Variants in ADAMTSL1 observed in about 807,000 individuals in gnomAD.
ADAMTSL1 encodes ADAMTS-like protein 1.
Under a neutral mutation model 201.8 loss-of-function variants are expected in ADAMTSL1, and 126 were observed. That is an observed-to-expected ratio of 0.62 (90% CI 0.54 to 0.72). ADAMTSL1 has a LOEUF of 0.72. Ranked by LOEUF, ADAMTSL1 falls within the 30% of genes least tolerant of loss-of-function variation. The probability of loss-of-function intolerance (pLI) is 0.00; values close to 1 mark genes in which losing one functional copy is unlikely to be tolerated. For synonymous variants in ADAMTSL1, 1,121 were observed against 903.4 expected (o/e 1.24, Z -4.32); for missense variants, 2,679 against 2,277.8 (o/e 1.18, Z -3.59).
At chr9:18,743,119 T>A (rs1818937444) in intron 15 of ADAMTSL1, among the ~76,000 whole-genome samples, 1 of 152,138 alleles carries the variant, frequency 6.6e-6, no homozygotes, top group Non-Finnish European at 1.5e-5. Context: ...GTGCTATCAC[T>A]CAGAAGACAG....
At chr9:18,700,869 A>T (rs148245869) in intron 13 of ADAMTSL1, among the ~76,000 whole-genome samples, 3 of 152,334 alleles carry the variant, frequency 2.0e-5, no homozygotes, top group East Asian at 3.9e-4. Flanking sequence ...TAAAATGAAC[A>T]TCTGACAAAG....
At chr9:17,956,394 C>T (rs556230750) in intron 1 of ADAMTSL1, among the ~76,000 whole-genome samples, 6 of 152,094 alleles carry the variant, frequency 3.9e-5, no homozygotes, top group Admixed American at 2.0e-4. Flanking sequence ...GTAAGAAAGT[C>T]GGCAATATTG....
chr9:17,907,921 C>T (rs1360229014), intron 1 of ADAMTSL1, among the ~76,000 whole-genome samples: 2 of 152,168 alleles, frequency 1.3e-5, no homozygotes, highest in Non-Finnish European at 2.9e-5. Flanking sequence ...ATACTCTTGG[C>T]CGGAATTACC....
At chr9:18,108,419 T>G (rs1824857246) in intron 1 of ADAMTSL1, among the ~76,000 whole-genome samples, 1 of 152,022 alleles carries the variant, frequency 6.6e-6, no homozygotes, top group African/African-American at 2.4e-5. Context: ...AGGCTGGTCT[T>G]GAACTCCTGA....
intron 3 of ADAMTSL1, among the ~76,000 whole-genome samples, chr9:18,548,897 C>T (rs371426996): frequency 1.2e-4 from 18 of 151,822 alleles, no homozygotes; most frequent in African/African-American, 3.9e-4. Flanking sequence ...AAATTCCAAA[C>T]AAGATGCAGA....
At position 18,681,842 on chromosome 9, in the gene ADAMTSL1, T is replaced by C. The variant is rs776273685; in HGVS notation, c.1372T>C (p.Tyr458His). The change falls in exon 12 of 29, where the codon TAC (tyrosine) becomes CAC (histidine). Residue 458 changes from tyrosine to histidine, a missense_variant. Physicochemically the swap from Tyr to His is moderately conservative, Grantham distance 83 (BLOSUM62 2). Transcript: ENST00000380548. ...AGTGACATGTGGCCAGGGCCTCAGA[T>C]ACCGTGTGGTCCTCTGCATCGACCA... ...CTVTCGQGLR[Y>H]RVVLCIDHRG... 145 of 1,613,552 alleles carry C rather than the reference T, an allele frequency of 9.0e-5. No individual in the cohort carries two copies. The highest frequency in any genetic ancestry group is 8.2e-4 in the Middle Eastern group (5 of 6,084).
chr9:18,776,031 G>A (rs1820965479), intron 18 of ADAMTSL1, 135 bp downstream of exon 18: 1 of 1,209,580 alleles, frequency 8.3e-7, no homozygotes, highest in African/African-American at 1.5e-5. Flanking sequence ...GAGGGCTGCA[G>A]GCAGGAGAGC....
chr9:18,186,486 A>C (rs1828739989), intron 2 of ADAMTSL1, among the ~76,000 whole-genome samples: 1 of 152,132 alleles, frequency 6.6e-6, no homozygotes, highest in South Asian at 2.1e-4. Context: ...CATCCTAGTC[A>C]TGTCACCTGC....
intron 2 of ADAMTSL1, among the ~76,000 whole-genome samples, chr9:18,531,252 C>T (rs1288762048): frequency 6.6e-6 from 1 of 152,176 alleles, no homozygotes; most frequent in Non-Finnish European, 1.5e-5. Context: ...CATGAAAATC[C>T]AGATCACTCT....
chr9:18,082,923 C>T (rs890986028), intron 1 of ADAMTSL1, among the ~76,000 whole-genome samples: 1 of 152,126 alleles, frequency 6.6e-6, no homozygotes, highest in African/African-American at 2.4e-5. Context: ...GAAGTCAAAA[C>T]GATTGTAACA....
chr9:18,131,082 T>G (rs1825932015), intron 1 of ADAMTSL1, among the ~76,000 whole-genome samples: 1 of 152,176 alleles, frequency 6.6e-6, no homozygotes, highest in Admixed American at 6.5e-5. Context: ...GCTCAATCTC[T>G]GCCATCCTCG....
At chr9:17,948,570 T>C (rs545323555) in intron 1 of ADAMTSL1, among the ~76,000 whole-genome samples, 2 of 152,312 alleles carry the variant, frequency 1.3e-5, no homozygotes, top group African/African-American at 4.8e-5. Flanking sequence ...GATAGAAAAG[T>C]ATCTAGGAAA....
chr9:17,946,849 T>C (rs1403866588), intron 1 of ADAMTSL1, among the ~76,000 whole-genome samples: 1 of 152,194 alleles, frequency 6.6e-6, no homozygotes, highest in Non-Finnish European at 1.5e-5. Context: ...TTAAGTGTTT[T>C]GGCATTTTAT....
intron 4 of ADAMTSL1, among the ~76,000 whole-genome samples, chr9:18,618,305 G>C (rs769345711): frequency 6.6e-6 from 1 of 152,090 alleles, no homozygotes; most frequent in African/African-American, 2.4e-5. Flanking sequence ...GCAGTCTAAG[G>C]TCGCCTATCT....
intron 2 of ADAMTSL1, among the ~76,000 whole-genome samples, chr9:18,281,490 T>C (rs1015750960): frequency 6.6e-6 from 1 of 152,190 alleles, no homozygotes; most frequent in African/African-American, 2.4e-5. Flanking sequence ...TCTAGGACTC[T>C]AGCTCTTTTT....
rs987328521 is a variant in ADAMTSL1, at chr9:18,283,709, G to A, written c.207+119728G>A. On this transcript the variant is annotated intron_variant, in intron 2 of 29. Transcript: ENST00000680146. Reference sequence around the variant, plus strand: ...AGGCAGATCACGAGGTCAGGAGATCGAGACCATCCTGCCTAACACAGTGAA... The same window carrying A: ...AGGCAGATCACGAGGTCAGGAGATCAAGACCATCCTGCCTAACACAGTGAA... Among the ~76,000 whole-genome samples, 10 of 147,410 alleles carry A rather than the reference G, an allele frequency of 6.8e-5. No individual in the cohort carries two copies. The East Asian group carries it at 8.0e-4, about 12-fold the overall frequency.
At chr9:18,292,081 G>T (rs16936539) in intron 2 of ADAMTSL1, among the ~76,000 whole-genome samples, 9,236 of 152,082 alleles carry the variant, frequency 0.061, 942 homozygotes, top group African/African-American at 0.21. Context: ...TAGAAGACCA[G>T]CCTGTGTCAG....
intron 1 of ADAMTSL1, among the ~76,000 whole-genome samples, chr9:18,039,407 T>G (rs1169614543): frequency 6.6e-6 from 1 of 152,154 alleles, no homozygotes; most frequent in African/African-American, 2.4e-5. Flanking sequence ...TTTAAAAAAA[T>G]AATTCCCCTC....
At chr9:18,872,087 G>A (rs904112626) in intron 23 of ADAMTSL1, among the ~76,000 whole-genome samples, 30 of 152,018 alleles carry the variant, frequency 2.0e-4, no homozygotes, top group African/African-American at 7.2e-4. Flanking sequence ...TGCTTACACT[G>A]CTTCTTCCAG....
Sources: allele counts gnomAD v4.1 joint callset (sites outside exome capture counted in the v4.1 genomes callset), GRCh38; gene constraint gnomAD v4.1.1; transcripts MANE v1.5; gene names NCBI Gene and HGNC (gene_info 2026-07-23, HGNC 2026-07-21).